CNNM1: variants seen among roughly 807,000 people sequenced by gnomAD.
CNNM1 encodes the protein metal transporter CNNM1.
In CNNM1, 44 loss-of-function variants were observed where a neutral mutation model predicts 78.8. That is an observed-to-expected ratio of 0.56 (90% CI 0.44 to 0.72). The LOEUF (loss-of-function observed/expected upper bound fraction) is 0.72. CNNM1 is among the 30% of genes least tolerant of loss of function. CNNM1 has a pLI of 0.00. For synonymous variants in CNNM1, 584 were observed against 581.5 expected (o/e 1.00, Z -0.06); for missense variants, 1,101 against 1,292.2 (o/e 0.85, Z 2.27).
intron 1 of CNNM1, among the ~76,000 whole-genome samples, chr10:99,351,602 GCT>G (rs1403634640): frequency 5.3e-5 from 8 of 152,102 alleles, no homozygotes; most frequent in Admixed American, 1.3e-4. Context: ...CAGGCCAACA[GCT>G]CTTTGTTCTC....
rs2032522552 is a variant in CNNM1 at position 99,393,115 on chromosome 10, T to C, written c.*1599T>C. 1 of 152,270 alleles carries C rather than the reference T, an allele frequency of 6.6e-6. No homozygotes were observed. The highest frequency in any genetic ancestry group is 6.5e-5 in the Admixed American group (1 of 15,288). The allele number at this position is 152,270 out of a possible 1,614,324, so 9.4% of individuals were successfully genotyped here. ...TACTCTTTAGATGTTCTCAGTCAAG[T>C]ACTCACTGAACTCATTGATCGAGTG... On this transcript the variant is annotated 3_prime_UTR_variant, in exon 11 of 11. Coordinates refer to ENST00000356713, the MANE Select transcript of CNNM1 (RefSeq NM_020348.3).
chr10:99,369,427 C>A (rs902567225), intron 6 of CNNM1, among the ~76,000 whole-genome samples: 3 of 152,172 alleles, frequency 2.0e-5, no homozygotes, highest in African/African-American at 7.2e-5. Context: ...AAATCTGTAT[C>A]CCTTATCACG....
intron 2 of CNNM1, among the ~76,000 whole-genome samples, chr10:99,360,475 G>A (rs2031391118): frequency 6.6e-6 from 1 of 152,138 alleles, no homozygotes; most frequent in Admixed American, 6.5e-5. Context: ...CACAAGATGA[G>A]TATGAGAGCT....
At position 99,391,574 on chromosome 10, in the gene CNNM1, C is replaced by A; in HGVS notation, c.*58C>A. The A allele has an allele frequency of 6.9e-7, 1 of 1,453,636 alleles. No homozygotes were observed. Among genetic ancestry groups the A allele is most frequent in the Non-Finnish European group, 9.6e-7 (1 of 1,041,012 alleles). 90.0% of individuals were successfully genotyped at this position (1,453,636 alleles called of 1,614,324 possible). A position where few individuals can be genotyped will look rare whatever the true frequency, so the allele number is the denominator to read the frequency against. On this transcript the variant is annotated 3_prime_UTR_variant, in exon 11 of 11. Coordinates refer to ENST00000356713, the MANE Select transcript of CNNM1 (RefSeq NM_020348.3). The stretch of plus-strand genomic sequence containing the variant: ...AATTCCAGAGCTTTGGGGGAGAATC[C>A]ACCCTCCCATCATCTGCTTCCCCCA...
intron 1 of CNNM1, among the ~76,000 whole-genome samples, chr10:99,334,296 A>C (rs944251038): frequency 2.0e-5 from 3 of 152,234 alleles, no homozygotes; most frequent in Non-Finnish European, 4.4e-5. Context: ...TTTAGGAGTT[A>C]TACATTTGCA....
At chr10:99,390,634 C>G (rs1273644865) in intron 10 of CNNM1, among the ~76,000 whole-genome samples, 1 of 152,204 alleles carries the variant, frequency 6.6e-6, no homozygotes, top group Non-Finnish European at 1.5e-5. Flanking sequence ...AGTCTGCACA[C>G]CATGCCCACA....
intron 1 of CNNM1, among the ~76,000 whole-genome samples, chr10:99,354,425 G>A (rs1264380792): frequency 1.3e-5 from 2 of 152,134 alleles, no homozygotes; most frequent in Middle Eastern, 3.2e-3. Flanking sequence ...ATCACCTATT[G>A]TATAAATTAT....
chr10:99,333,130 C>T lies in CNNM1; in HGVS notation c.1573+2170C>T, dbSNP rs183036601. ...GGTATTTCCTCTGTATGCATGCATC[C>T]CTGGTGTCTCCTTGTGTGTCCAAAT... On this transcript the variant is annotated intron_variant, in intron 1 of 10. Transcript: ENST00000356713. Among the ~76,000 whole-genome samples, 444 of 152,186 alleles carry T rather than the reference C, an allele frequency of 2.9e-3. 2 individuals carry two copies. The highest frequency in any genetic ancestry group is 5.4e-3 in the Admixed American group (83 of 15,286).
chr10:99,331,807 G>A (rs972474661), intron 1 of CNNM1, among the ~76,000 whole-genome samples: 1 of 152,174 alleles, frequency 6.6e-6, no homozygotes, highest in African/African-American at 2.4e-5. Context: ...CTGTGGTCCT[G>A]TGAAATAGGA....
At chr10:99,336,947 A>G (rs565578947) in intron 1 of CNNM1, among the ~76,000 whole-genome samples, 1 of 152,342 alleles carries the variant, frequency 6.6e-6, no homozygotes, top group South Asian at 2.1e-4. Context: ...TCTCAAAAAA[A>G]GAACATAAGA....
In CNNM1 at chr10:99,390,967, G is replaced by A. The variant is rs144651244; in HGVS notation, c.2777-470G>A. Among the ~76,000 whole-genome samples the A allele has an allele frequency of 5.9e-3, 896 of 152,330 alleles. 9 individuals are homozygous for A. Among genetic ancestry groups the A allele is most frequent in the African/African-American group, 0.019 (785 of 41,576 alleles). On this transcript the variant is annotated intron_variant, in intron 10 of 10. Coordinates refer to ENST00000356713, the MANE Select transcript of CNNM1 (RefSeq NM_020348.3). ...GACAACTATGTAATTATGCCCACCT[G>A]CCCCACTGCAGAAGGGAGGTTGCTT... is the stretch of plus-strand genomic sequence containing the variant.
intron 4 of CNNM1, 44 bp downstream of exon 4, chr10:99,362,440 A>ATC: frequency 3.2e-6 from 5 of 1,574,972 alleles, no homozygotes; most frequent in Non-Finnish European, 4.3e-6. Flanking sequence ...AGAGGAGGGC[A>ATC]TCTCCAGGGT....
chr10:99,364,871 G>T, intron 5 of CNNM1, 84 bp from the exon 6 acceptor site: 1 of 1,299,482 alleles, frequency 7.7e-7, no homozygotes, highest in Non-Finnish European at 1.1e-6. Context: ...ATTGGTGCTG[G>T]GGGTGGATAG....
intron 7 of CNNM1, among the ~76,000 whole-genome samples, chr10:99,385,398 T>C (rs549495518): frequency 6.6e-6 from 1 of 152,330 alleles, no homozygotes; most frequent in African/African-American, 2.4e-5. Flanking sequence ...TGATTAAGGA[T>C]TTATTTTTCC....
chr10:99,378,173 A>G (rs2032036056), intron 7 of CNNM1, among the ~76,000 whole-genome samples: 1 of 152,136 alleles, frequency 6.6e-6, no homozygotes, highest in East Asian at 1.9e-4. Context: ...CATGTTGGTC[A>G]GGTTGGTCTC....
At chr10:99,340,413 T>C (rs2030387928) in intron 1 of CNNM1, among the ~76,000 whole-genome samples, 1 of 152,232 alleles carries the variant, frequency 6.6e-6, no homozygotes, top group East Asian at 1.9e-4. Flanking sequence ...TTCCATTTTT[T>C]CCATTTATCA....
rs114496856 is a variant in CNNM1, at chr10:99,384,534, G to C, written c.2341-3286G>C. Among the ~76,000 whole-genome samples, 1,302 of 150,878 alleles carry C rather than the reference G, an allele frequency of 8.6e-3. 20 individuals are homozygous for C. The highest frequency in any genetic ancestry group is 0.03 in the African/African-American group (1,245 of 40,916). On this transcript the variant is annotated intron_variant, in intron 7 of 10. Coordinates refer to ENST00000356713, the MANE Select transcript of CNNM1 (RefSeq NM_020348.3). ...TACACTGCCGTGCTTCTTCCCACTA[G>C]TGTGGCCGTCTGAATCTTCTCTTTA... is the stretch of plus-strand genomic sequence containing the variant.
intron 1 of CNNM1, among the ~76,000 whole-genome samples, chr10:99,338,178 G>A (rs912236776): frequency 6.6e-6 from 1 of 152,028 alleles, no homozygotes; most frequent in African/African-American, 2.4e-5. Context: ...CAGTATATAA[G>A]TACAGGATAT....
At chr10:99,348,910 TAAAC>T (rs1316134204) in intron 1 of CNNM1, among the ~76,000 whole-genome samples, 5 of 61,488 alleles carry the variant, frequency 8.1e-5, no homozygotes, top group Admixed American at 7.0e-4. Flanking sequence ...AACAAACAAA[TAAAC>T]AAACAAATAG....
Sources: allele counts gnomAD v4.1 joint callset (sites outside exome capture counted in the v4.1 genomes callset), GRCh38; gene constraint gnomAD v4.1.1; transcripts MANE v1.5; gene names NCBI Gene and HGNC (gene_info 2026-07-23, HGNC 2026-07-21).